INPP4B: variants seen among roughly 807,000 people sequenced by gnomAD.
The protein encoded by INPP4B is inositol polyphosphate-4-phosphatase type II B.
Under a neutral mutation model 122.5 loss-of-function variants are expected in INPP4B, and 55 were observed. The observed-to-expected ratio is 0.45, with a 90% confidence interval of 0.36 to 0.56. The LOEUF (loss-of-function observed/expected upper bound fraction) is 0.56, where lower values mean the gene tolerates loss of function less well. INPP4B is among the 20% of genes least tolerant of loss of function. The pLI, the probability that INPP4B is intolerant of heterozygous loss-of-function variation, is 0.00. For synonymous variants in INPP4B, 403 were observed against 388.7 expected, an observed-to-expected ratio of 1.04 and a Z score of -0.43; for missense variants, 1,000 against 1,097.7, an observed-to-expected ratio of 0.91 and a Z score of 1.26.
chr4:142,570,562 T>C (rs1732578650), intron 2 of INPP4B, among the ~76,000 whole-genome samples: 1 of 152,078 alleles, frequency 6.6e-6, no homozygotes, highest in Admixed American at 6.6e-5. Flanking sequence ...CGATCTGACT[T>C]GATTCTGAAC....
chr4:142,778,008 AAG>A (rs1371030971), intron 1 of INPP4B, among the ~76,000 whole-genome samples: 1 of 152,172 alleles, frequency 6.6e-6, no homozygotes, highest in African/African-American at 2.4e-5. Context: ...GGGCCCATCT[AAG>A]AACGTGGCCT....
At chr4:142,397,430 T>G (rs554869084) in intron 7 of INPP4B, among the ~76,000 whole-genome samples, 1 of 152,220 alleles carries the variant, frequency 6.6e-6, no homozygotes, top group African/African-American at 2.4e-5. Context: ...TAAAATTTAT[T>G]TGGACAGTTT....
intron 3 of INPP4B, among the ~76,000 whole-genome samples, chr4:142,440,737 A>G (rs978904351): frequency 8.5e-6 from 1 of 118,022 alleles, no homozygotes; most frequent in Non-Finnish European, 1.8e-5. Context: ...TTTTTAAAAT[A>G]AATACATTTT....
At chr4:142,327,993 G>A (rs1019307276) in intron 7 of INPP4B, among the ~76,000 whole-genome samples, 3 of 152,096 alleles carry the variant, frequency 2.0e-5, no homozygotes, top group Non-Finnish European at 2.9e-5. Flanking sequence ...AGACTGCGGA[G>A]GGAAGTTAAA....
At chr4:142,759,826 A>T (rs936410080) in intron 1 of INPP4B, among the ~76,000 whole-genome samples, 2 of 36,820 alleles carry the variant, frequency 5.4e-5, no homozygotes, top group Non-Finnish European at 1.0e-4. Flanking sequence ...AGCTTTTTCT[A>T]AAAAAAAAAA....
intron 3 of INPP4B, among the ~76,000 whole-genome samples, chr4:142,457,462 A>G (rs2149557397): frequency 6.6e-6 from 1 of 152,284 alleles, no homozygotes; most frequent in South Asian, 2.1e-4. Context: ...CTAAAAAACA[A>G]GGGACAAATA....
chr4:142,712,811 C>T (rs1280689442), intron 2 of INPP4B, among the ~76,000 whole-genome samples: 1 of 152,196 alleles, frequency 6.6e-6, no homozygotes, highest in South Asian at 2.1e-4. Context: ...TCTCAACATC[C>T]CCACTTTATC....
At chr4:142,398,394 AAAAAAAAATATATATAT>A (rs1800205959) in intron 7 of INPP4B, among the ~76,000 whole-genome samples, 1 of 23,940 alleles carries the variant, frequency 4.2e-5, no homozygotes, top group Middle Eastern at 0.019. Context: ...AAAAAAAAAA[AAAAAAAAATATATATAT>A]ATATATATAT....
chr4:142,561,758 AAG>A (rs1730525412), intron 2 of INPP4B, among the ~76,000 whole-genome samples: 1 of 152,230 alleles, frequency 6.6e-6, no homozygotes, highest in Non-Finnish European at 1.5e-5. Flanking sequence ...TGAATGGAGA[AAG>A]AAATAGAATG....
chr4:142,805,005 C>G (rs17016789), intron 1 of INPP4B, among the ~76,000 whole-genome samples: 36,823 of 152,046 alleles, frequency 0.24, 4,681 homozygotes, highest in South Asian at 0.35. Context: ...TATCAATCAC[C>G]ACTATATTTC....
intron 7 of INPP4B, among the ~76,000 whole-genome samples, chr4:142,378,590 CTT>C (rs1792880384): frequency 6.6e-6 from 1 of 152,132 alleles, no homozygotes; most frequent in African/African-American, 2.4e-5. Flanking sequence ...ATGTTCCTGT[CTT>C]TAAGCCTACA....
At chr4:142,310,240 C>T (rs538870247) in intron 8 of INPP4B, among the ~76,000 whole-genome samples, 13 of 152,010 alleles carry the variant, frequency 8.6e-5, no homozygotes, top group African/African-American at 3.1e-4. Context: ...AATGTGGCTA[C>T]TCCAAGTTGA....
chr4:142,357,691 T>C (rs1251883468), intron 7 of INPP4B, among the ~76,000 whole-genome samples: 1 of 152,032 alleles, frequency 6.6e-6, no homozygotes, highest in Non-Finnish European at 1.5e-5. Flanking sequence ...CACAGTCTTT[T>C]CTGGCATTAG....
chr4:142,440,601 T>C (rs574734241), intron 3 of INPP4B, among the ~76,000 whole-genome samples: 4 of 152,210 alleles, frequency 2.6e-5, no homozygotes, highest in Non-Finnish European at 5.9e-5. Flanking sequence ...CTGTTTGGTG[T>C]GGGCTGGGAA....
chr4:142,638,499 A>G (rs1388546542), intron 2 of INPP4B, among the ~76,000 whole-genome samples: 1 of 148,306 alleles, frequency 6.7e-6, no homozygotes, highest in Non-Finnish European at 1.5e-5. Context: ...ATGTTAGTCT[A>G]TTTCTGGGCT....
chr4:142,044,554 A>G (rs1020116873), intron 25 of INPP4B, among the ~76,000 whole-genome samples: 1 of 152,138 alleles, frequency 6.6e-6, no homozygotes, highest in African/African-American at 2.4e-5. Context: ...TGAATGAAGA[A>G]ATGGAAGGCA....
intron 22 of INPP4B, among the ~76,000 whole-genome samples, chr4:142,110,956 G>A (rs965044909): frequency 6.6e-6 from 1 of 152,046 alleles, no homozygotes; most frequent in Non-Finnish European, 1.5e-5. Context: ...ACACTCTACT[G>A]TAGTGTACCG....
intron 9 of INPP4B, among the ~76,000 whole-genome samples, chr4:142,271,891 G>A (rs558390006): frequency 6.6e-6 from 1 of 152,282 alleles, no homozygotes; most frequent in South Asian, 2.1e-4. Context: ...CACACTTTAA[G>A]ATTCTCTAGT....
In INPP4B at chr4:142,403,040, T is replaced by C. The variant is rs1023516838; in HGVS notation, c.270A>G (p.Pro90=). Residue 90 remains proline (P), a synonymous_variant, in exon 7 of 26, where the codon CCA becomes CCG. Coordinates refer to ENST00000262992, the MANE Select transcript of INPP4B (RefSeq NM_001101669.3). ...STEIVEGTRD[P]LFLTGVTFPS... ...GGAATGTGACACCAGTCAAAAACAG[T>C]GGGTCCCTTGTTCCCTGTAACAGCA... 3 of 1,604,542 alleles carry C rather than the reference T, an allele frequency of 1.9e-6. No homozygotes were observed. Among genetic ancestry groups the C allele is most frequent in the East Asian group, 2.2e-5 (1 of 44,822 alleles).
Sources: gnomAD v4.1 joint callset for allele counts (sites outside exome capture counted in the v4.1 genomes callset) on GRCh38, gnomAD v4.1.1 for gene constraint, MANE v1.5 for transcripts, NCBI Gene and HGNC (gene_info 2026-07-23, HGNC 2026-07-21) for gene names.